Variants in CDKL4 observed in about 807,000 individuals in gnomAD.
CDKL4 encodes the protein cyclin-dependent kinase-like 4.
In CDKL4, 44 loss-of-function variants were observed where a neutral mutation model predicts 42.0. The ratio of observed to expected loss-of-function variants is 1.05; its 90% CI spans 0.82 to 1.35. The LOEUF (loss-of-function observed/expected upper bound fraction) is 1.35, where lower values mean the gene tolerates loss of function less well. CDKL4 is among the 40% of genes most tolerant of loss of function. The pLI, the probability that CDKL4 is intolerant of heterozygous loss-of-function variation, is 0.00. For missense variants in CDKL4, 393 were observed against 369.9 expected, an observed-to-expected ratio of 1.06 and a Z score of -0.51; for synonymous variants, 120 against 121.6, an observed-to-expected ratio of 0.99 and a Z score of 0.09.
intron 9 of CDKL4, chr2:39,178,468 G>T: frequency 9.0e-7 from 1 of 1,116,474 alleles, no homozygotes; most frequent in Non-Finnish European, 1.3e-6. Flanking sequence ...GACCTTCTCT[G>T]TGTCAGATAC....
At chr2:39,233,156 T>C (rs994372179) in intron 1 of CDKL4, among the ~76,000 whole-genome samples, 1 of 151,038 alleles carries the variant, frequency 6.6e-6, no homozygotes, top group Non-Finnish European at 1.5e-5. Flanking sequence ...CGCAAAGATA[T>C]GAGAGGGGTG....
intron 1 of CDKL4, among the ~76,000 whole-genome samples, chr2:39,233,391 G>C (rs556400681): frequency 6.6e-6 from 1 of 152,168 alleles, no homozygotes; most frequent in South Asian, 2.1e-4. Flanking sequence ...AAGGACAAGA[G>C]GGAAGGGAAA....
intron 6 of CDKL4, 27 bp downstream of exon 6, chr2:39,190,278 T>C: frequency 6.4e-7 from 1 of 1,554,542 alleles, no homozygotes; most frequent in South Asian, 1.1e-5. Flanking sequence ...ATTCAGCAAC[T>C]CTGTTGCCAT....
At chr2:39,218,439 C>T (rs1442429820) in intron 3 of CDKL4, among the ~76,000 whole-genome samples, 1 of 152,130 alleles carries the variant, frequency 6.6e-6, no homozygotes, top group African/African-American at 2.4e-5. Flanking sequence ...TTTGAGGCTG[C>T]AGTGAGCCAT....
At chr2:39,206,798 T>C (rs1308746878) in intron 4 of CDKL4, among the ~76,000 whole-genome samples, 1 of 152,206 alleles carries the variant, frequency 6.6e-6, no homozygotes, top group Non-Finnish European at 1.5e-5. Context: ...CCATTAAGTG[T>C]CACAATAATC....
rs1678688617 is a variant in CDKL4, at chr2:39,225,967, A to G, written c.169-7T>C. 2 of 1,606,914 alleles carry G rather than the reference A, an allele frequency of 1.2e-6. No homozygotes were observed. The highest frequency in any genetic ancestry group is 1.1e-5 in the South Asian group (1 of 89,782). ...GATTTGGATGTTTTAATTGCTGTGA[A>G]AGAATTGAAATGCAAAGTTAAGTGA... On this transcript the variant is annotated splice_region_variant and splice_polypyrimidine_tract_variant and intron_variant, in intron 2 of 9. Coordinates refer to ENST00000451199, the Ensembl canonical transcript of CDKL4.
chr2:39,216,792 C>T (rs539892827), intron 3 of CDKL4, among the ~76,000 whole-genome samples: 5 of 152,194 alleles, frequency 3.3e-5, no homozygotes, highest in South Asian at 2.1e-4. Context: ...TGAGAAACTG[C>T]AAAACGCCAA....
At chr2:39,225,959 T>C (rs199555201) in exon 3 of CDKL4, 1 of 1,608,280 alleles carries the variant, frequency 6.2e-7, no homozygotes, top group Non-Finnish European at 8.5e-7. Context: ...ATGTTTTAAT[T>C]GCTGTGAAAG....
chr2:39,200,388 A>G (rs542284138), intron 5 of CDKL4, among the ~76,000 whole-genome samples: 173 of 152,324 alleles, frequency 1.1e-3, no homozygotes, highest in Admixed American at 2.0e-3. Context: ...GGGTAGAATC[A>G]ATATTGTGAA....
rs1675260090 is a variant in CDKL4, at chr2:39,178,511, A to G, written c.927+676T>C. 2.0e-6 allele frequency: 3 copies of G among 1,536,608 alleles called. No homozygotes were observed. The East Asian group carries it at 7.3e-5, about 38-fold the overall frequency. ...GGTGCCGGGTTTACAAGGTGAGAAA[A>G]AGCCCTGAACCAAAACAAACCTATT... On this transcript the variant is annotated intron_variant, in intron 9 of 9. Transcript: ENST00000451199.
intron 5 of CDKL4, among the ~76,000 whole-genome samples, chr2:39,203,172 G>A: frequency 6.6e-6 from 1 of 151,996 alleles, no homozygotes; most frequent in Non-Finnish European, 1.5e-5. Flanking sequence ...AAGCTGACTT[G>A]CATATTCAGC....
At chr2:39,244,654 A>C (rs1443866922), upstream of CDKL4, among the ~76,000 whole-genome samples, 7 of 152,202 alleles carry the variant, frequency 4.6e-5, no homozygotes, top group Non-Finnish European at 1.0e-4. Flanking sequence ...AGGGCTGAGG[A>C]GTGCGAGCGA....
intron 6 of CDKL4, 93 bp downstream of exon 6, chr2:39,190,212 G>GC: frequency 1.1e-6 from 1 of 918,234 alleles, no homozygotes. Flanking sequence ...TAAAACTCTT[G>GC]TTTTTTATTT....
intron 1 of CDKL4, among the ~76,000 whole-genome samples, chr2:39,239,377 C>A (rs754048372): frequency 6.6e-6 from 1 of 152,116 alleles, no homozygotes; most frequent in African/African-American, 2.4e-5. Context: ...ACATTAAAAT[C>A]TTTTGCTCCT....
At chr2:39,181,296 TCTC>T (rs1395962137) in intron 8 of CDKL4, among the ~76,000 whole-genome samples, 2 of 152,242 alleles carry the variant, frequency 1.3e-5, no homozygotes, top group Non-Finnish European at 2.9e-5. Context: ...TCTACTATGT[TCTC>T]CACTATGGTT....
intron 8 of CDKL4, among the ~76,000 whole-genome samples, chr2:39,179,669 T>G (rs1675326920): frequency 6.6e-6 from 1 of 152,162 alleles, no homozygotes; most frequent in Non-Finnish European, 1.5e-5. Flanking sequence ...CGCAGGAACT[T>G]CCTAGAAATG....
At chr2:39,233,801 C>T (rs976556405) in intron 1 of CDKL4, among the ~76,000 whole-genome samples, 1 of 150,840 alleles carries the variant, frequency 6.6e-6, no homozygotes, top group African/African-American at 2.4e-5. Flanking sequence ...TTTAAATATC[C>T]TCTCATAATT....
intron 9 of CDKL4, among the ~76,000 whole-genome samples, chr2:39,178,293 G>A (rs543740799): frequency 2.8e-4 from 42 of 152,162 alleles, no homozygotes; most frequent in Admixed American, 7.9e-4. Context: ...CTTCCTTTAC[G>A]GAAAACATGC....
upstream of CDKL4, among the ~76,000 whole-genome samples, chr2:39,246,949 A>T (rs1679938872): frequency 6.6e-6 from 1 of 152,150 alleles, no homozygotes. Context: ...CTTGCTATGT[A>T]ACTCAGGCTG....
Sources: allele counts gnomAD v4.1 joint callset (sites outside exome capture counted in the v4.1 genomes callset), GRCh38; gene constraint gnomAD v4.1.1; transcripts MANE v1.5; gene names NCBI Gene and HGNC (gene_info 2026-07-23, HGNC 2026-07-21).